ALK: variants seen among roughly 807,000 people sequenced by gnomAD.
The protein encoded by ALK is ALK receptor tyrosine kinase.
Under a neutral mutation model 163.1 loss-of-function variants are expected in ALK, and 74 were observed. The ratio of observed to expected loss-of-function variants is 0.45; its 90% confidence interval spans 0.38 to 0.55. The LOEUF (loss-of-function observed/expected upper bound fraction) is 0.55, where lower values mean the gene tolerates loss of function less well. ALK is among the 20% of genes least tolerant of loss of function. The pLI, the probability that ALK is intolerant of heterozygous loss-of-function variation, is 0.00. For synonymous variants in ALK, 960 were observed against 843.2 expected (o/e 1.14, Z -2.40); for missense variants, 2,063 against 2,105.3 (o/e 0.98, Z 0.39).
intron 1 of ALK, among the ~76,000 whole-genome samples, chr2:29,873,512 G>T (rs1486227998): frequency 1.3e-5 from 2 of 152,084 alleles, no homozygotes; most frequent in Admixed American, 6.6e-5. Flanking sequence ...TGTGCTCAAG[G>T]GTTTGTTCCA....
intron 3 of ALK, among the ~76,000 whole-genome samples, chr2:29,655,704 T>C (rs952405600): frequency 6.6e-6 from 1 of 152,188 alleles, no homozygotes; most frequent in Non-Finnish European, 1.5e-5. Context: ...ATTTAAAAAA[T>C]CAGCTCACAA....
intron 1 of ALK, among the ~76,000 whole-genome samples, chr2:29,896,739 A>G (rs991331602): frequency 2.0e-5 from 3 of 152,192 alleles, no homozygotes; most frequent in Admixed American, 6.5e-5. Context: ...GGACAATAAA[A>G]GTTCATTGTA....
rs182513725 is a variant in ALK, at chr2:29,666,839, C to G, written c.952+28011G>C. ...ATGTATATATTCTTCCCCTTCACCC[C>G]CCTTCTCCTACCTTTCCCAGCCTCT... On this transcript the variant is annotated intron_variant, in intron 3 of 28. Coordinates refer to ENST00000389048, the MANE Select transcript of ALK (RefSeq NM_004304.5). Among the ~76,000 whole-genome samples, 186 of 151,990 alleles carry G rather than the reference C, an allele frequency of 1.2e-3. 1 individual carries two copies. The highest frequency in any genetic ancestry group is 7.1e-3 in the South Asian group (34 of 4,812).
chr2:29,396,836 GTT>G (rs10654058), intron 4 of ALK, among the ~76,000 whole-genome samples: 3 of 46,618 alleles, frequency 6.4e-5, no homozygotes, highest in Non-Finnish European at 1.1e-4. Flanking sequence ...TGTTACTATG[GTT>G]TTTTTTTTTT....
intron 4 of ALK, among the ~76,000 whole-genome samples, chr2:29,465,990 A>G (rs1199625746): frequency 1.3e-5 from 2 of 152,234 alleles, no homozygotes; most frequent in Non-Finnish European, 2.9e-5. Context: ...AAGATCTTAT[A>G]CTATACATAG....
chr2:29,695,076 C>T (rs1464598955), intron 2 of ALK, 62 bp from the exon 3 acceptor site: 4 of 1,590,936 alleles, frequency 2.5e-6, no homozygotes, highest in Non-Finnish European at 3.4e-6. Flanking sequence ...TTTCAGCCCC[C>T]TCCACTCCAC....
chr2:29,780,411 T>C (rs1350100281), intron 1 of ALK, among the ~76,000 whole-genome samples: 1 of 152,258 alleles, frequency 6.6e-6, no homozygotes, highest in African/African-American at 2.4e-5. Context: ...AGCTTTGAAC[T>C]GCATGGCGTG....
intron 1 of ALK, among the ~76,000 whole-genome samples, chr2:29,719,543 A>T (rs1679366772): frequency 6.6e-6 from 1 of 152,216 alleles, no homozygotes; most frequent in Admixed American, 6.5e-5. Context: ...TGTATCGAGC[A>T]CATATGGACC....
intron 4 of ALK, among the ~76,000 whole-genome samples, chr2:29,435,080 G>A (rs1411730018): frequency 6.6e-6 from 1 of 152,060 alleles, no homozygotes; most frequent in Non-Finnish European, 1.5e-5. Context: ...AAAGCCCTTG[G>A]GACCTCTCAG....
chr2:29,305,593 A>G (rs1666488362), intron 8 of ALK, among the ~76,000 whole-genome samples: 1 of 152,124 alleles, frequency 6.6e-6, no homozygotes, highest in African/African-American at 2.4e-5. Context: ...ATATCATTTT[A>G]TGTAAATACC....
rs544540795 is a variant in ALK at position 29,677,092 on chromosome 2, T to C, written c.952+17758A>G. Among the ~76,000 whole-genome samples, 45 of 152,130 alleles carry C rather than the reference T, an allele frequency of 3.0e-4. 1 individual carries two copies. In the South Asian group the frequency reaches 3.9e-3, roughly 13 times the overall value. On this transcript the variant is annotated intron_variant, in intron 3 of 28. Coordinates refer to ENST00000389048, the MANE Select transcript of ALK (RefSeq NM_004304.5). ...TTATCTGCTAATAAAGGCAATTTTA[T>C]TTTATCCTTTCCAATCTGTATATCT...
chr2:29,441,480 C>T (rs1015395781), intron 4 of ALK, among the ~76,000 whole-genome samples: 3 of 152,102 alleles, frequency 2.0e-5, no homozygotes, highest in Admixed American at 6.5e-5. Context: ...TGCCTGGGTA[C>T]CAGGGAAGCT....
intron 26 of ALK, among the ~76,000 whole-genome samples, chr2:29,200,839 G>GTATATATATATACGTATATATA (rs1558608989): frequency 4.6e-5 from 6 of 129,262 alleles, no homozygotes; most frequent in African/African-American, 1.3e-4. Flanking sequence ...ATATATATGT[G>GTATATATATATACGTATATATA]TGTGTATATA....
intron 4 of ALK, among the ~76,000 whole-genome samples, chr2:29,437,972 G>C (rs1359957616): frequency 6.6e-6 from 1 of 152,060 alleles, no homozygotes; most frequent in Non-Finnish European, 1.5e-5. Flanking sequence ...AGACCTGCAG[G>C]TATTATTATA....
chr2:29,564,826 A>G (rs1674133684), intron 3 of ALK, among the ~76,000 whole-genome samples: 1 of 152,156 alleles, frequency 6.6e-6, no homozygotes, highest in African/African-American at 2.4e-5. Context: ...TTGTGTGGCC[A>G]CAACTTGGTT....
At chr2:29,437,339 T>A (rs1573353323) in intron 4 of ALK, among the ~76,000 whole-genome samples, 1 of 152,080 alleles carries the variant, frequency 6.6e-6, no homozygotes, top group Non-Finnish European at 1.5e-5. Context: ...ATGTGAGAAA[T>A]AAAAGAGCAG....
chr2:29,851,200 T>C (rs7575137), intron 1 of ALK, among the ~76,000 whole-genome samples: 42,929 of 152,158 alleles, frequency 0.28, 6,848 homozygotes, highest in East Asian at 0.54. Flanking sequence ...TACAATAGCA[T>C]GTTATTGACA....
intron 3 of ALK, among the ~76,000 whole-genome samples, chr2:29,599,772 C>T (rs1413254388): frequency 6.6e-6 from 1 of 152,216 alleles, no homozygotes; most frequent in East Asian, 1.9e-4. Context: ...AGAGACATCT[C>T]ATGAGACCAA....
chr2:29,201,651 G>C (rs1669181617), intron 26 of ALK, among the ~76,000 whole-genome samples: 2 of 151,996 alleles, frequency 1.3e-5, no homozygotes, highest in African/African-American at 4.8e-5. Context: ...GCTGGGTGTG[G>C]TAGCACGCGT....
Sources: allele counts gnomAD v4.1 joint callset (sites outside exome capture counted in the v4.1 genomes callset), GRCh38; gene constraint gnomAD v4.1.1; transcripts MANE v1.5; gene names NCBI Gene and HGNC (gene_info 2026-07-23, HGNC 2026-07-21).